TMEM178B: variants seen among roughly 807,000 people sequenced by gnomAD.
TMEM178B encodes the protein transmembrane protein 178B.
In TMEM178B, 5 loss-of-function variants were observed where a neutral mutation model predicts 31.0. That is an observed-to-expected ratio of 0.16 (90% confidence interval 0.08 to 0.34). The LOEUF (loss-of-function observed/expected upper bound fraction) is 0.34, where lower values mean the gene tolerates loss of function less well. Among genes scored for constraint, TMEM178B ranks in the 10% least tolerant of loss-of-function variants. TMEM178B has a pLI of 1.00. For synonymous variants in TMEM178B, 164 were observed against 164.0 expected (o/e 1.00, Z 0.00); for missense variants, 275 against 400.3 (o/e 0.69, Z 2.67).
intron 1 of TMEM178B, among the ~76,000 whole-genome samples, chr7:141,151,839 A>AG (rs1318910263): frequency 6.6e-6 from 1 of 152,152 alleles, no homozygotes; most frequent in Non-Finnish European, 1.5e-5. Flanking sequence ...AGTCAGCTAC[A>AG]GGGGGGGTGC....
At chr7:141,304,577 A>G (rs1341625191) in intron 2 of TMEM178B, among the ~76,000 whole-genome samples, 2 of 152,042 alleles carry the variant, frequency 1.3e-5, no homozygotes, top group East Asian at 1.9e-4. Flanking sequence ...ACCATCATCT[A>G]TGGGGTTCTC....
At chr7:141,215,840 T>C (rs367640975) in intron 2 of TMEM178B, among the ~76,000 whole-genome samples, 1 of 61,308 alleles carries the variant, frequency 1.6e-5, no homozygotes, top group East Asian at 6.6e-4. Flanking sequence ...CTTTCTTTCT[T>C]TTCTTTTCTT....
intron 1 of TMEM178B, among the ~76,000 whole-genome samples, chr7:141,075,902 G>GA (rs1286492119): frequency 1.3e-5 from 2 of 152,176 alleles, no homozygotes; most frequent in African/African-American, 4.8e-5. Context: ...CAATTGATCA[G>GA]AAAAAATTGT....
At chr7:141,447,798 T>C (rs1801787979) in intron 3 of TMEM178B, among the ~76,000 whole-genome samples, 1 of 152,096 alleles carries the variant, frequency 6.6e-6, no homozygotes, top group South Asian at 2.1e-4. Flanking sequence ...GTACCAGCTA[T>C]ACAATTTGTG....
chr7:141,411,290 C>T (rs1353604204), intron 2 of TMEM178B, among the ~76,000 whole-genome samples: 5 of 152,040 alleles, frequency 3.3e-5, no homozygotes, highest in Non-Finnish European at 7.4e-5. Flanking sequence ...GAGTTAATGC[C>T]TAATGGGGAC....
intron 2 of TMEM178B, among the ~76,000 whole-genome samples, chr7:141,336,646 A>T (rs1294751436): frequency 6.6e-6 from 1 of 151,894 alleles, no homozygotes; most frequent in Non-Finnish European, 1.5e-5. Context: ...ATGTTTCAAA[A>T]ATAATATAAT....
intron 2 of TMEM178B, among the ~76,000 whole-genome samples, chr7:141,362,402 T>A (rs1348243310): frequency 1.3e-5 from 2 of 152,222 alleles, no homozygotes; most frequent in African/African-American, 4.8e-5. Flanking sequence ...TGCAGCCTGA[T>A]CATCTCTCAT....
chr7:141,434,532 G>A (rs1359008072), intron 2 of TMEM178B, among the ~76,000 whole-genome samples: 2 of 152,132 alleles, frequency 1.3e-5, no homozygotes, highest in Admixed American at 6.5e-5. Flanking sequence ...TTTGGGATAC[G>A]TGTGATATTC....
rs1802066071 is a variant in TMEM178B at position 141,461,923 on chromosome 7, C to T, written c.635-8613C>T. Among the ~76,000 whole-genome samples, 1 of 152,174 alleles carries T rather than the reference C, an allele frequency of 6.6e-6. No individual in the cohort carries two copies. The highest frequency in any genetic ancestry group is 2.1e-4 in the South Asian group (1 of 4,824). The stretch of plus-strand genomic sequence containing the variant: ...TGACTAATTCTTTGTTCCCTGGTGA[C>T]ATTTCAGGGTGGCAAAAATTAGCTG... On this transcript the variant is annotated intron_variant, in intron 3 of 3. Coordinates refer to ENST00000565468, the MANE Select transcript of TMEM178B (RefSeq NM_001195278.2). The surrounding 1 kb of genome is among the most constrained non-coding windows in gnomAD (Gnocchi z 4.0).
At chr7:141,267,024 A>G (rs1798104541) in intron 2 of TMEM178B, among the ~76,000 whole-genome samples, 1 of 152,208 alleles carries the variant, frequency 6.6e-6, no homozygotes, top group East Asian at 1.9e-4. Flanking sequence ...GGGTGACAGT[A>G]GTAGGTTAGC....
Position 141,470,686 on chromosome 7 carries a change from C to T in TMEM178B, c.785C>T (p.Thr262Ile). The stretch of plus-strand genomic sequence containing the variant: ...TGTGCATGGGGGGGCCTGGGCCTCA[C>T]ACTCATCTCGGGATTCTTCTGTACC... ...MFCAWGGLGL[T>I]LISGFFCTLA... The change falls in exon 4 of 4, where the codon ACA becomes ATA. Residue 262 changes from threonine (T) to isoleucine (I), a missense_variant. Thr to Ile is a moderately conservative substitution (Grantham distance 89). Transcript: ENST00000565468. 1 of 1,535,782 alleles carries T rather than the reference C, an allele frequency of 6.5e-7. No individual in the cohort carries two copies. The highest frequency in any genetic ancestry group is 8.7e-7 in the Non-Finnish European group (1 of 1,146,858).
downstream of TMEM178B, among the ~76,000 whole-genome samples, chr7:141,484,499 C>T (rs1802525372): frequency 6.6e-6 from 1 of 152,190 alleles, no homozygotes; most frequent in Admixed American, 6.5e-5. This position sits in a 1 kb window ranked among gnomAD's most constrained non-coding sequence, Gnocchi z 4.8. Context: ...CTGGAACATT[C>T]ATTTACCTAG....
intron 1 of TMEM178B, among the ~76,000 whole-genome samples, chr7:141,133,927 G>T (rs1053506471): frequency 7.9e-5 from 12 of 152,102 alleles, no homozygotes; most frequent in African/African-American, 2.9e-4. Flanking sequence ...ATATATCATG[G>T]GATGATATAT....
intron 1 of TMEM178B, among the ~76,000 whole-genome samples, chr7:141,157,160 C>A (rs575120764): frequency 1.3e-5 from 2 of 152,254 alleles, no homozygotes; most frequent in African/African-American, 4.8e-5. Context: ...CTGGCCAAGA[C>A]AAGTCACATC....
rs114987559 is a variant in TMEM178B, at chr7:141,353,996, A to G, written c.497-83612A>G. On this transcript the variant is annotated intron_variant, in intron 2 of 3. Coordinates refer to ENST00000565468, the MANE Select transcript of TMEM178B (RefSeq NM_001195278.2). ...GTTTCAGTTTCCTCATTAGCTAAAC[A>G]AGAATAAACCTACCCCTGTCTACCT... Among the ~76,000 whole-genome samples, 742 of 152,350 alleles carry G rather than the reference A, an allele frequency of 4.9e-3. 5 individuals are homozygous for G. The highest frequency in any genetic ancestry group is 0.017 in the African/African-American group (708 of 41,572).
At chr7:141,337,050 TCACCACCACCACCATCACTACCAC>T (rs1799419308) in intron 2 of TMEM178B, among the ~76,000 whole-genome samples, 1 of 25,446 alleles carries the variant, frequency 3.9e-5, no homozygotes, top group South Asian at 1.8e-3. Context: ...ACCACCACCA[TCACCACCACCACCATCACTACCAC>T]CACCACCACC....
chr7:141,328,200 G>C (rs1799231678), intron 2 of TMEM178B, among the ~76,000 whole-genome samples: 1 of 152,178 alleles, frequency 6.6e-6, no homozygotes, highest in African/African-American at 2.4e-5. Context: ...TCTTCTGGAG[G>C]CACAGACCCC....
At chr7:141,217,373 T>C (rs1381209358) in intron 2 of TMEM178B, among the ~76,000 whole-genome samples, 1 of 151,930 alleles carries the variant, frequency 6.6e-6, no homozygotes, top group African/African-American at 2.4e-5. Context: ...GCAGCCAGGG[T>C]GGGCTATATC....
intron 2 of TMEM178B, among the ~76,000 whole-genome samples, chr7:141,220,484 G>C (rs963403457): frequency 1.3e-5 from 2 of 152,016 alleles, no homozygotes; most frequent in African/African-American, 4.8e-5. Flanking sequence ...CCCTCTACAT[G>C]GATAAGAGGG....
Sources: gnomAD v4.1 joint callset for allele counts (sites outside exome capture counted in the v4.1 genomes callset) on GRCh38, gnomAD v4.1.1 for gene constraint, Gnocchi (gnomAD v3.1) non-coding constraint, MANE v1.5 for transcripts, NCBI Gene and HGNC (gene_info 2026-07-23, HGNC 2026-07-21) for gene names.